Variants in PRAMEF18 observed in about 807,000 individuals in gnomAD.
The protein encoded by PRAMEF18 is PRAME family member 18.
Under a neutral mutation model 23.7 loss-of-function variants are expected in PRAMEF18, and 15 were observed. That is an observed-to-expected ratio of 0.63 (90% CI 0.42 to 0.97). The LOEUF is 0.97. Among genes scored for constraint, PRAMEF18 ranks in the 50% least tolerant of loss-of-function variants. PRAMEF18 has a pLI of 0.00. For missense variants in PRAMEF18, 223 were observed against 418.6 expected, an observed-to-expected ratio of 0.53 and a Z score of 4.08; for synonymous variants, 78 against 159.9, an observed-to-expected ratio of 0.49 and a Z score of 3.86.
chr1:13,224,844 T>A lies in PRAMEF18; in HGVS notation c.866+11A>T. 1 of 1,613,890 alleles carries A rather than the reference T, an allele frequency of 6.2e-7. No homozygotes were observed. Among genetic ancestry groups the A allele is most frequent in the South Asian group, 1.1e-5 (1 of 91,064 alleles). On this transcript the variant is annotated intron_variant, in intron 2 of 2. Coordinates refer to ENST00000624297, the Ensembl canonical transcript of PRAMEF18. ...TATGGCCCCCAGAGAAAGCTCACCA[T>A]CCTTCCTCACCTGATCAGCTGGTCC...
At chr1:13,225,789 A>G in intron 1 of PRAMEF18, 31 bp downstream of exon 1, 1 of 1,612,628 alleles carries the variant, frequency 6.2e-7, no homozygotes, top group South Asian at 1.1e-5. Flanking sequence ...GTCCCTGGAC[A>G]CCTGGGCCCT....
chr1:13,223,410 C>G (rs1030003583), exon 3 of PRAMEF18: 2 of 1,263,762 alleles, frequency 1.6e-6, no homozygotes, highest in Non-Finnish European at 2.1e-6. Flanking sequence ...GGCAGGACAC[C>G]GGACCAAAGA....
chr1:13,224,865 G>A lies in PRAMEF18; in HGVS notation c.856C>T (p.Gln286Ter), dbSNP rs1165879607. The change falls in exon 2 of 3, where the codon CAG (glutamine) becomes TAG (stop). Residue 286 changes from glutamine (Q) to a stop codon, truncating the protein, a stop_gained. Transcript: ENST00000624297. LOFTEE classifies it high-confidence loss of function. ...ACCATCCTTCCTCACCTGATCAGCT[G>A]GTCCAGGTGGCCTCTGAAGAAGCAG... 7 of 1,613,884 alleles carry A rather than the reference G, an allele frequency of 4.3e-6. No individual in the cohort carries two copies. The African/African-American group carries it at 5.3e-5, about 12-fold the overall frequency.
chr1:13,224,907 G>A lies in PRAMEF18; in HGVS notation c.814C>T (p.Leu272Phe), dbSNP rs1180532261. ...AAGAAGCAGACCCTTCTTACATAAA[G>A]CATCTGGAGGTTCTCCAGCCTGAGG... The change falls in exon 2 of 3, where the codon CTT becomes TTT. Residue 272 changes from leucine (L) to phenylalanine (F), a missense_variant. Coordinates refer to ENST00000624297, the Ensembl canonical transcript of PRAMEF18. 42 of 1,614,060 alleles carry A rather than the reference G, an allele frequency of 2.6e-5. No individual in the cohort carries two copies. In the South Asian group the frequency reaches 4.1e-4, roughly 16 times the overall value.
Position 13,224,835 on chromosome 1 carries a change from A to G in PRAMEF18, c.866+20T>C. The stretch of plus-strand genomic sequence containing the variant: ...AGGCTGTGCTATGGCCCCCAGAGAA[A>G]GCTCACCATCCTTCCTCACCTGATC... On this transcript the variant is annotated intron_variant, in intron 2 of 2. Transcript: ENST00000624297. 1 of 1,613,814 alleles carries G rather than the reference A, an allele frequency of 6.2e-7. No individual in the cohort carries two copies. The highest frequency in any genetic ancestry group is 8.5e-7 in the Non-Finnish European group (1 of 1,179,888).
chr1:13,224,356 C>T (rs1638807921), intron 2 of PRAMEF18: 14 of 223,102 alleles, frequency 6.3e-5, no homozygotes, highest in South Asian at 3.6e-4. Context: ...CCCAGAAGCA[C>T]GCATTTCCCA....
intron 2 of PRAMEF18, chr1:13,224,435 T>G (rs1250868015): frequency 3.7e-6 from 1 of 273,644 alleles, no homozygotes; most frequent in Non-Finnish European, 6.7e-6. Context: ...GGATCATTCA[T>G]GTTCACTAAG....
chr1:13,224,124 C>T, intron 2 of PRAMEF18: 1 of 375,936 alleles, frequency 2.7e-6, no homozygotes, highest in Non-Finnish European at 4.7e-6. Context: ...GTGATTGGTT[C>T]AAGGCCATAA....
exon 2 of PRAMEF18, chr1:13,225,147 T>G: frequency 1.2e-6 from 2 of 1,613,032 alleles, no homozygotes; most frequent in East Asian, 2.2e-5. Flanking sequence ...AAATTTAGAA[T>G]GCTCATTGAA....
rs1429868224 is a variant in PRAMEF18, at chr1:13,224,461, T to C, written c.866+394A>G. On this transcript the variant is annotated intron_variant, in intron 2 of 2. Transcript: ENST00000624297. ...GTTCACTAAGCTGTGAGGACAGAGCTTCCTCTGTGAAACACACAGGTTTGG... is the reference window on the plus strand; with the variant it reads ...GTTCACTAAGCTGTGAGGACAGAGCCTCCTCTGTGAAACACACAGGTTTGG... 2.2e-5 allele frequency: 7 copies of C among 314,390 alleles called. No individual in the cohort carries two copies. The South Asian group carries it at 3.4e-4, about 15-fold the overall frequency. 19.5% of individuals were successfully genotyped at this position (314,390 alleles called of 1,614,324 possible).
intron 2 of PRAMEF18, chr1:13,224,517 C>T (rs1638810802): frequency 4.7e-6 from 1 of 213,916 alleles, no homozygotes; most frequent in Non-Finnish European, 8.1e-6. Context: ...ACCCTCCCCT[C>T]TGTTGCCTCT....
chr1:13,224,888 C>A (rs1355509440), exon 2 of PRAMEF18: 1 of 1,613,938 alleles, frequency 6.2e-7, no homozygotes, highest in African/African-American at 1.3e-5. Flanking sequence ...TCTGAAGAAG[C>A]AGACCCTTCT....
chr1:13,224,159 T>G (rs1344147885), intron 2 of PRAMEF18: 2 of 342,664 alleles, frequency 5.8e-6, no homozygotes, highest in Non-Finnish European at 1.0e-5. Context: ...CTTTTCTTCA[T>G]CTTCCAGCAG....
Position 13,226,078 on chromosome 1 carries a change from AG to A in PRAMEF18, c.28del (p.Leu10TrpfsTer9). 2.5e-6 allele frequency: 4 copies of A among 1,612,982 alleles called. No individual in the cohort carries two copies. Among genetic ancestry groups the A allele is most frequent in the Non-Finnish European group, 3.4e-6 (4 of 1,180,022 alleles). ...CAGCAGGCTCTGCCCTGCCAGCTCC[AG>A]GAGTCTGCGTGGGGCCTGGAAGCTC... On this transcript the variant is annotated frameshift_variant, in exon 1 of 3. Coordinates refer to ENST00000624297, the Ensembl canonical transcript of PRAMEF18. LOFTEE classifies it high-confidence loss of function.
intron 2 of PRAMEF18, chr1:13,224,525 T>C (rs1345134746): frequency 2.2e-6 from 1 of 464,446 alleles, no homozygotes; most frequent in African/African-American, 2.0e-5. Flanking sequence ...CTCTGTTGCC[T>C]CTTTTTTATC....
intron 2 of PRAMEF18, 131 bp downstream of exon 2, chr1:13,224,724 A>G: frequency 4.6e-6 from 7 of 1,523,272 alleles, no homozygotes; most frequent in East Asian, 2.3e-5. Flanking sequence ...ACCAAACAGG[A>G]CAATGCATTC....
At position 13,225,071 on chromosome 1, in the gene PRAMEF18, C is replaced by T. The variant is rs1158061024; in HGVS notation, c.650G>A (p.Trp217Ter). 1.2e-6 allele frequency: 2 copies of T among 1,614,130 alleles called. No homozygotes were observed. The highest frequency in any genetic ancestry group is 2.2e-5 in the South Asian group (2 of 91,084). Residue 217 changes from tryptophan to a stop codon, truncating the protein, a stop_gained, in exon 2 of 3, where the codon TGG becomes TAG. Transcript: ENST00000624297. LOFTEE classifies it high-confidence loss of function. ...GCTAAACTCTACTATCATACACAGCCAGCACATGTTCCAAATTTCCAACAC... is the reference window on the plus strand; with the variant it reads ...GCTAAACTCTACTATCATACACAGCTAGCACATGTTCCAAATTTCCAACAC...
exon 2 of PRAMEF18, chr1:13,225,229 C>G: frequency 6.2e-7 from 1 of 1,612,210 alleles, no homozygotes; most frequent in South Asian, 1.1e-5. Flanking sequence ...AGAAGAAGCT[C>G]AGATCTTCAT....
At chr1:13,225,143 A>G (rs1638827031) in exon 2 of PRAMEF18, 1 of 1,613,056 alleles carries the variant, frequency 6.2e-7, no homozygotes, top group Admixed American at 1.7e-5. Flanking sequence ...TCTGAAATTT[A>G]GAATGCTCAT....
Sources: allele counts gnomAD v4.1 joint callset, GRCh38; gene constraint gnomAD v4.1.1; transcripts MANE v1.5; gene names NCBI Gene and HGNC (gene_info 2026-07-23, HGNC 2026-07-21).